The following AFG2A variants were observed in gnomAD, a reference collection of about 807,000 sequenced individuals.
AFG2A encodes the protein AAA ATPase AFG2A, also known as ATPase family gene 2 protein homolog A.
At chr4:123,116,149 T>G in the AFG2A span, among the ~76,000 whole-genome samples, 470 of 152,250 alleles carry the variant, frequency 3.1e-3, 6 homozygotes, top group African/African-American at 0.011. Flanking sequence ...TCCTCCTGGC[T>G]TGACCTCCCA....
At chr4:122,963,121 T>G in the AFG2A span, among the ~76,000 whole-genome samples, 2 of 152,082 alleles carry the variant, frequency 1.3e-5, no homozygotes, top group Non-Finnish European at 2.9e-5. Flanking sequence ...CACTAGATGG[T>G]GGGGCTACCT....
At chr4:123,043,532 T>G in the AFG2A span, among the ~76,000 whole-genome samples, 1 of 152,174 alleles carries the variant, frequency 6.6e-6, no homozygotes, top group Non-Finnish European at 1.5e-5. Context: ...CAACATAAGG[T>G]CCATCAAGTT....
chr4:123,228,483 G>T, the AFG2A span, among the ~76,000 whole-genome samples: 2 of 151,710 alleles, frequency 1.3e-5, no homozygotes, highest in Non-Finnish European at 2.9e-5. Context: ...CCCTATAGAA[G>T]CCATGCAAAG....
At chr4:122,941,203 A>G in the AFG2A span, among the ~76,000 whole-genome samples, 3 of 151,326 alleles carry the variant, frequency 2.0e-5, no homozygotes, top group Non-Finnish European at 3.0e-5. Flanking sequence ...GATGGCATTG[A>G]ATCTATAAAT....
At chr4:123,183,744 C>T in the AFG2A span, among the ~76,000 whole-genome samples, 1 of 151,974 alleles carries the variant, frequency 6.6e-6, no homozygotes, top group Non-Finnish European at 1.5e-5. Flanking sequence ...TGAGGCCCAA[C>T]CTGGTTTTTC....
At chr4:123,041,277 A>ATTTTTTTTTTTT in the AFG2A span, among the ~76,000 whole-genome samples, 5 of 118,174 alleles carry the variant, frequency 4.2e-5, no homozygotes, top group East Asian at 2.5e-4. Flanking sequence ...CGCCCAGCTA[A>ATTTTTTTTTTTT]TTTTTTTTTT....
chr4:123,229,960 AC>A, the AFG2A span, among the ~76,000 whole-genome samples: 1 of 151,972 alleles, frequency 6.6e-6, no homozygotes, highest in Non-Finnish European at 1.5e-5. Context: ...GTCTAAAAAA[AC>A]AATTTTTTTT....
chr4:123,173,226 G>A, the AFG2A span, among the ~76,000 whole-genome samples: 2 of 151,462 alleles, frequency 1.3e-5, no homozygotes, highest in African/African-American at 2.4e-5. Context: ...ATTTTGCAAG[G>A]CTTGTACAAC....
At chr4:123,083,438 T>G in the AFG2A span, among the ~76,000 whole-genome samples, 1 of 152,066 alleles carries the variant, frequency 6.6e-6, no homozygotes, top group Non-Finnish European at 1.5e-5. Context: ...ATGAGATGGA[T>G]TAAATTAATT....
At chr4:123,203,332 T>G in the AFG2A span, among the ~76,000 whole-genome samples, 1 of 151,680 alleles carries the variant, frequency 6.6e-6, no homozygotes, top group Non-Finnish European at 1.5e-5. Context: ...TGTATTTATT[T>G]ATTTATTTGA....
the AFG2A span, among the ~76,000 whole-genome samples, chr4:123,086,118 A>G: frequency 6.6e-6 from 1 of 152,102 alleles, no homozygotes; most frequent in African/African-American, 2.4e-5. Flanking sequence ...TAAAGTTTTT[A>G]TCTTCTTTAT....
the AFG2A span, among the ~76,000 whole-genome samples, chr4:123,233,267 ACACACACACACG>A: frequency 2.0e-5 from 3 of 149,272 alleles, no homozygotes; most frequent in Non-Finnish European, 4.4e-5. Flanking sequence ...AAAATTATGT[ACACACACACACG>A]CACACACACA....
chr4:123,266,779 A>C, the AFG2A span, among the ~76,000 whole-genome samples: 1 of 151,872 alleles, frequency 6.6e-6, no homozygotes, highest in African/African-American at 2.4e-5. Flanking sequence ...CATATTCTTT[A>C]GTTAATTGCT....
the AFG2A span, among the ~76,000 whole-genome samples, chr4:123,029,922 G>A: frequency 6.6e-6 from 1 of 152,192 alleles, no homozygotes; most frequent in Non-Finnish European, 1.5e-5. Flanking sequence ...ATAGGAGTGA[G>A]CTGCTGCAAC....
At chr4:123,003,417 T>G in the AFG2A span, among the ~76,000 whole-genome samples, 1 of 152,230 alleles carries the variant, frequency 6.6e-6, no homozygotes, top group African/African-American at 2.4e-5. Context: ...TGCTCTGTTT[T>G]TTCCCCATCT....
the AFG2A span, among the ~76,000 whole-genome samples, chr4:123,110,875 C>T: frequency 6.6e-6 from 1 of 152,200 alleles, no homozygotes; most frequent in Admixed American, 6.5e-5. Flanking sequence ...TCTGTCTCCC[C>T]AGATACCTTA....
the AFG2A span, among the ~76,000 whole-genome samples, chr4:123,054,417 CT>C: frequency 0.82 from 121,372 of 148,762 alleles, 50,820 homozygotes; most frequent in East Asian, 0.97. Context: ...ATTGAGCATC[CT>C]TTTTTTTTTT....
chr4:123,032,384 G>A, the AFG2A span, among the ~76,000 whole-genome samples: 14 of 152,144 alleles, frequency 9.2e-5, no homozygotes, highest in Admixed American at 8.5e-4. Flanking sequence ...ATTATACTTC[G>A]AATTTTAATC....
the AFG2A span, among the ~76,000 whole-genome samples, chr4:123,201,684 C>A: frequency 6.6e-6 from 1 of 152,124 alleles, no homozygotes; most frequent in Non-Finnish European, 1.5e-5. Flanking sequence ...TCTGGGAGGC[C>A]AAGGCGGGCA....
Sources: allele counts gnomAD v4.1 joint callset (sites outside exome capture counted in the v4.1 genomes callset), GRCh38; gene constraint gnomAD v4.1.1; transcripts MANE v1.5; gene names NCBI Gene and HGNC (gene_info 2026-07-23, HGNC 2026-07-21).